Variants in MTMR10 observed in about 807,000 individuals in gnomAD.
MTMR10 encodes myotubularin-related protein 10.
In MTMR10, 56 loss-of-function variants were observed where a neutral mutation model predicts 88.1. The ratio of observed to expected loss-of-function variants is 0.64; its 90% CI spans 0.51 to 0.79. The LOEUF (loss-of-function observed/expected upper bound fraction) is 0.79. Ranked by LOEUF, MTMR10 falls within the 30% of genes least tolerant of loss-of-function variation. The pLI, the probability that MTMR10 is intolerant of heterozygous loss-of-function variation, is 0.00. For missense variants in MTMR10, 883 were observed against 924.7 expected (o/e 0.95, Z 0.58); for synonymous variants, 380 against 340.9 (o/e 1.11, Z -1.26).
rs757901805 is a variant in MTMR10, at chr15:30,942,041, G to C, written c.1763C>G (p.Pro588Arg). The C allele has an allele frequency of 2.9e-5, 47 of 1,613,780 alleles. 1 individual carries two copies. In the East Asian group the frequency reaches 9.6e-4, roughly 33 times the overall value. The change falls in exon 16 of 16, where the codon CCG (proline) becomes CGG (arginine). Residue 588 changes from proline to arginine, a missense_variant. Coordinates refer to ENST00000435680, the MANE Select transcript of MTMR10 (RefSeq NM_017762.3). ...KSYSSTLRGM[P>R]SALKNGIISD... ...GATGATTCCATTCTTTAAGGCAGACGGCATTCCTCTTAGTGTGGAGCTGTA... is the reference window on the plus strand; with the variant it reads ...GATGATTCCATTCTTTAAGGCAGACCGCATTCCTCTTAGTGTGGAGCTGTA...
At chr15:30,955,562 G>T (rs146087571) in intron 9 of MTMR10, among the ~76,000 whole-genome samples, 3 of 152,100 alleles carry the variant, frequency 2.0e-5, no homozygotes, top group African/African-American at 7.2e-5. Flanking sequence ...GAGCCACCGC[G>T]CCCGGGCTCA....
At chr15:30,977,745 A>G (rs2141054841) in intron 2 of MTMR10, among the ~76,000 whole-genome samples, 1 of 152,340 alleles carries the variant, frequency 6.6e-6, no homozygotes, top group South Asian at 2.1e-4. Context: ...AGCCCGATAG[A>G]ATGTTTGCTG....
chr15:30,922,083 C>G, the MTMR10 span: 1 of 959,506 alleles, frequency 1.0e-6, no homozygotes, highest in South Asian at 1.7e-5. Flanking sequence ...ACCTCAAAGT[C>G]CCTGTCCTGT....
At position 30,991,584 on chromosome 15, in the gene MTMR10, G is replaced by A. The variant is rs1019903138; in HGVS notation, c.-78C>T. The A allele has an allele frequency of 1.3e-6, 2 of 1,488,642 alleles. No homozygotes were observed. The highest frequency in any genetic ancestry group is 1.8e-6 in the Non-Finnish European group (2 of 1,123,200). The allele number at this position is 1,488,642 out of a possible 1,614,324, so 92.2% of individuals were successfully genotyped here. A position where few individuals can be genotyped will look rare whatever the true frequency, so the allele number is the denominator to read the frequency against. On this transcript the variant is annotated 5_prime_UTR_variant, in exon 1 of 16. Coordinates refer to ENST00000435680, the MANE Select transcript of MTMR10 (RefSeq NM_017762.3). Reference sequence around the variant, plus strand: ...CGCCTCCGGGCGTAAAGCTCTCAGTGCGGCCGCCCAGGCCCTTTCTGCGGC... The same window carrying A: ...CGCCTCCGGGCGTAAAGCTCTCAGTACGGCCGCCCAGGCCCTTTCTGCGGC...
intron 9 of MTMR10, 72 bp from the exon 10 acceptor site, chr15:30,954,965 A>G: frequency 3.0e-6 from 4 of 1,329,324 alleles, no homozygotes; most frequent in Non-Finnish European, 4.0e-6. Flanking sequence ...CTTACTATAG[A>G]CCAGGGGATA....
chr15:30,944,748 C>T (rs1387747299), intron 14 of MTMR10, among the ~76,000 whole-genome samples: 2 of 151,772 alleles, frequency 1.3e-5, no homozygotes, highest in African/African-American at 2.4e-5. Context: ...CGGTGGCTCA[C>T]GCCTGTAATC....
intron 6 of MTMR10, among the ~76,000 whole-genome samples, chr15:30,963,782 G>C (rs28592626): frequency 5.3e-5 from 8 of 152,156 alleles, no homozygotes; most frequent in African/African-American, 1.9e-4. Flanking sequence ...GTGTCTGTGA[G>C]AAGGAAGACT....
intron 9 of MTMR10, among the ~76,000 whole-genome samples, chr15:30,955,636 A>C (rs908065667): frequency 6.6e-6 from 1 of 152,054 alleles, no homozygotes; most frequent in Non-Finnish European, 1.5e-5. Flanking sequence ...GGGAAACAGA[A>C]ACACTGCCAA....
At chr15:30,952,376 CTTT>C (rs1302662186) in intron 11 of MTMR10, among the ~76,000 whole-genome samples, 3 of 152,154 alleles carry the variant, frequency 2.0e-5, no homozygotes, top group Non-Finnish European at 4.4e-5. Flanking sequence ...TTTTTGTTTT[CTTT>C]TTAAGAGACA....
the MTMR10 span, chr15:30,928,572 C>T: frequency 6.2e-7 from 1 of 1,609,374 alleles, no homozygotes; most frequent in Non-Finnish European, 8.5e-7. Flanking sequence ...GCGAAGGGTC[C>T]ACCTTCAGCA....
At chr15:30,984,799 A>T (rs1414684970) in intron 2 of MTMR10, among the ~76,000 whole-genome samples, 1 of 152,210 alleles carries the variant, frequency 6.6e-6, no homozygotes, top group African/African-American at 2.4e-5. Flanking sequence ...GCTGACGCAC[A>T]GCCTCAGCAC....
Position 30,991,233 on chromosome 15 carries a change from G to A in MTMR10, c.60+214C>T, listed in dbSNP as rs781052860. On this transcript the variant is annotated intron_variant, in intron 1 of 15. Coordinates refer to ENST00000435680, the MANE Select transcript of MTMR10 (RefSeq NM_017762.3). ...ACTACGGACGACAGAACTTCGGGCA[G>A]AGAATGGCTGCAGAAGAGTTTTACA... 1.1e-3 allele frequency: 566 copies of A among 502,884 alleles called. 10 individuals are homozygous for A. The highest frequency in any genetic ancestry group is 2.6e-4 in the Admixed American group (6 of 23,084). The allele number at this position is 502,884 out of a possible 1,614,324, so 31.2% of individuals were successfully genotyped here.
chr15:30,991,385 G>A, intron 1 of MTMR10, 62 bp downstream of exon 1: 1 of 1,393,320 alleles, frequency 7.2e-7, no homozygotes, highest in Non-Finnish European at 9.5e-7. Flanking sequence ...CCCGGGGGTC[G>A]GCCTGGAGGC....
intron 6 of MTMR10, among the ~76,000 whole-genome samples, chr15:30,966,499 T>A (rs2063473592): frequency 6.6e-6 from 1 of 152,144 alleles, no homozygotes; most frequent in Non-Finnish European, 1.5e-5. Context: ...CTGGTCTGTA[T>A]CATAAACAGT....
intron 2 of MTMR10, 32 bp downstream of exon 2, chr15:30,990,745 A>T: frequency 6.3e-7 from 1 of 1,581,358 alleles, no homozygotes; most frequent in Non-Finnish European, 8.6e-7. Context: ...TACGTTGCTA[A>T]AGTATCTGTT....
At chr15:30,955,048 G>A (rs2063303156) in intron 9 of MTMR10, among the ~76,000 whole-genome samples, 155 bp from the exon 10 acceptor site, 1 of 151,126 alleles carries the variant, frequency 6.6e-6, no homozygotes, top group South Asian at 2.1e-4. Flanking sequence ...CAGAACCATT[G>A]CTTATCTTAT....
At chr15:30,975,440 G>A (rs1192561041) in intron 3 of MTMR10, among the ~76,000 whole-genome samples, 4 of 147,378 alleles carry the variant, frequency 2.7e-5, no homozygotes, top group African/African-American at 7.4e-5. Context: ...TTCAAACTAA[G>A]GACGTAGTTA....
intron 15 of MTMR10, chr15:30,942,670 T>C: frequency 2.0e-6 from 1 of 503,044 alleles, no homozygotes; most frequent in Non-Finnish European, 3.4e-6. Flanking sequence ...GGCTCAAAGC[T>C]GCAATCTGCC....
rs1239141893 is a variant in MTMR10 at position 30,939,643 on chromosome 15, ATAC to A, written c.*1824_*1826del. Reference sequence around the variant, plus strand: ...AAACTTGTAAATTAACAACAATAAAATACTACAAGAGTTAAAATAAACGTGAAG... The same window carrying A: ...AAACTTGTAAATTAACAACAATAAAATACAAGAGTTAAAATAAACGTGAAG... On this transcript the variant is annotated 3_prime_UTR_variant, in exon 16 of 16. Coordinates refer to ENST00000435680, the MANE Select transcript of MTMR10 (RefSeq NM_017762.3). The A allele has an allele frequency of 3.2e-5, 28 of 874,552 alleles. No homozygotes were observed. Among genetic ancestry groups the A allele is most frequent in the East Asian group, 3.4e-4 (2 of 5,894 alleles). 54.2% of individuals were successfully genotyped at this position (874,552 alleles called of 1,614,324 possible). A position where few individuals can be genotyped will look rare whatever the true frequency, so the allele number is the denominator to read the frequency against.
Sources: allele counts gnomAD v4.1 joint callset (sites outside exome capture counted in the v4.1 genomes callset), GRCh38; gene constraint gnomAD v4.1.1; transcripts MANE v1.5; gene names NCBI Gene and HGNC (gene_info 2026-07-23, HGNC 2026-07-21).